Variants in DNAH6 observed in about 807,000 individuals in gnomAD.
DNAH6 encodes the protein axonemal beta dynein heavy chain 6.
A neutral mutation model predicts 491.4 loss-of-function variants in DNAH6; 340 were observed. The ratio of observed to expected loss-of-function variants is 0.69; its 90% CI spans 0.63 to 0.76. DNAH6 has a LOEUF of 0.76. Ranked by LOEUF, DNAH6 falls within the 30% of genes least tolerant of loss-of-function variation. DNAH6 has a pLI of 0.00. For missense variants in DNAH6, 4,443 were observed against 4,972.2 expected (o/e 0.89, Z 3.20); for synonymous variants, 1,603 against 1,686.1 (o/e 0.95, Z 1.21).
intron 18 of DNAH6, among the ~76,000 whole-genome samples, chr2:84,602,391 A>G (rs1685331786): frequency 6.6e-6 from 1 of 150,992 alleles, no homozygotes; most frequent in Non-Finnish European, 1.5e-5. Context: ...TTCCTTCAGT[A>G]ATTTGGAGGT....
chr2:84,650,895 A>T (rs1365926066), intron 33 of DNAH6, among the ~76,000 whole-genome samples: 1 of 152,180 alleles, frequency 6.6e-6, no homozygotes, highest in African/African-American at 2.4e-5. Context: ...TCTAGATCTT[A>T]TTTAAACTTA....
the DNAH6 span, among the ~76,000 whole-genome samples, chr2:84,503,688 T>G: frequency 6.6e-6 from 1 of 152,040 alleles, no homozygotes; most frequent in Non-Finnish European, 1.5e-5. Flanking sequence ...GTAAAAGTTT[T>G]TTTTTTTTTT....
At chr2:84,480,478 G>C in the DNAH6 span, among the ~76,000 whole-genome samples, 1 of 152,138 alleles carries the variant, frequency 6.6e-6, no homozygotes, top group Non-Finnish European at 1.5e-5. Context: ...TGTAAACAGG[G>C]ATAATAATAG....
At chr2:84,538,347 T>C (rs960962248) in intron 4 of DNAH6, among the ~76,000 whole-genome samples, 27 of 152,170 alleles carry the variant, frequency 1.8e-4, no homozygotes, top group Non-Finnish European at 1.8e-4. Flanking sequence ...CTATTTGATA[T>C]TGTTTTGTGA....
At chr2:84,780,711 T>C (rs11690152) in intron 64 of DNAH6, among the ~76,000 whole-genome samples, 1 of 152,224 alleles carries the variant, frequency 6.6e-6, no homozygotes, top group Non-Finnish European at 1.5e-5. Flanking sequence ...CAGAATTCTT[T>C]TGCTGATTCC....
chr2:84,758,389 T>C (rs899376521), intron 63 of DNAH6, among the ~76,000 whole-genome samples: 6 of 152,144 alleles, frequency 3.9e-5, no homozygotes, highest in Non-Finnish European at 8.8e-5. Context: ...GTTCCAAAAA[T>C]AGAGAAGGAG....
chr2:84,813,911 A>C, intron 74 of DNAH6, 60 bp from the exon 75 acceptor site: 7 of 1,524,900 alleles, frequency 4.6e-6, no homozygotes, highest in Non-Finnish European at 6.2e-6. Flanking sequence ...ATGAAGGGGA[A>C]TAGTGCCTGG....
At chr2:84,578,329 C>T (rs1199484311) in intron 13 of DNAH6, among the ~76,000 whole-genome samples, 2 of 152,192 alleles carry the variant, frequency 1.3e-5, no homozygotes, top group East Asian at 3.9e-4. Flanking sequence ...TCAATTTCAA[C>T]AAGCACTTTT....
chr2:84,795,746 C>T (rs1655106649), intron 68 of DNAH6, among the ~76,000 whole-genome samples: 1 of 152,190 alleles, frequency 6.6e-6, no homozygotes, highest in Non-Finnish European at 1.5e-5. Context: ...TGGAAAGTAG[C>T]TTCTCTGTGG....
intron 11 of DNAH6, among the ~76,000 whole-genome samples, chr2:84,560,877 G>C (rs1298825012): frequency 6.6e-6 from 1 of 151,730 alleles, no homozygotes; most frequent in Non-Finnish European, 1.5e-5. Flanking sequence ...CATTTGGGTT[G>C]GTTCCAAGTC....
Position 84,777,863 on chromosome 2 carries a change from G to A in DNAH6, c.10704-3630G>A, listed in dbSNP as rs181132978. ...TGAAACAATAAGCAAATTGCAGTTC[G>A]TGCTGTATTTTACAACATTAGGAAT... On this transcript the variant is annotated intron_variant, in intron 64 of 76. Coordinates refer to ENST00000389394, the MANE Select transcript of DNAH6 (RefSeq NM_001370.2). 6.8e-5 allele frequency: 85 copies of A among 1,242,470 alleles called. No homozygotes were observed. In the African/African-American group the frequency reaches 1.0e-3, roughly 15 times the overall value. The allele number at this position is 1,242,470 out of a possible 1,614,324, so 77.0% of individuals were successfully genotyped here. A position where few individuals can be genotyped will look rare whatever the true frequency, so the allele number is the denominator to read the frequency against.
At chr2:84,515,239 C>A (rs978415849), upstream of DNAH6, among the ~76,000 whole-genome samples, 3 of 152,142 alleles carry the variant, frequency 2.0e-5, no homozygotes, top group African/African-American at 7.2e-5. Context: ...ATTTTGTCTA[C>A]ATTTGAAGTT....
chr2:84,799,646 C>T (rs1399187106), intron 70 of DNAH6, among the ~76,000 whole-genome samples: 1 of 152,258 alleles, frequency 6.6e-6, no homozygotes, highest in Non-Finnish European at 1.5e-5. Context: ...TTGGCAAGCA[C>T]AGGGGATAGG....
chr2:84,702,862 G>A (rs929454968), intron 49 of DNAH6, among the ~76,000 whole-genome samples: 6 of 152,024 alleles, frequency 3.9e-5, no homozygotes, highest in Non-Finnish European at 7.4e-5. Context: ...ACTCACCTTC[G>A]AAAAACAGTT....
chr2:84,520,697 A>G (rs1287767138), intron 2 of DNAH6, among the ~76,000 whole-genome samples: 1 of 151,986 alleles, frequency 6.6e-6, no homozygotes, highest in Non-Finnish European at 1.5e-5. Flanking sequence ...GTTGCCAAGG[A>G]TGATGACCTC....
At position 84,619,775 on chromosome 2, in the gene DNAH6, C is replaced by T. The variant is rs777841054; in HGVS notation, c.3663C>T (p.Phe1221=). The change falls in exon 24 of 77, where the codon TTC becomes TTT. Residue 1221 remains phenylalanine (F), a synonymous_variant. Coordinates refer to ENST00000389394, the MANE Select transcript of DNAH6 (RefSeq NM_001370.2). ...TGCAGCCACACTTAAGGAAATGCTT[C>T]GACTCCATTTCAAAGCTCGAATTTG... ...QAVQPHLRKC[F]DSISKLEFAL... is the part of the protein sequence containing the mutation. The T allele has an allele frequency of 2.8e-5, 44 of 1,551,424 alleles. No individual in the cohort carries two copies. The highest frequency in any genetic ancestry group is 7.1e-5 in the South Asian group (6 of 84,062).
intron 76 of DNAH6, 126 bp from the exon 77 acceptor site, chr2:84,819,161 GACCCATAAAGGACTATTT>G: frequency 1.8e-6 from 1 of 557,496 alleles, no homozygotes; most frequent in Non-Finnish European, 3.2e-6. Context: ...GCATAAAACA[GACCCATAAAGGACTATTT>G]GTCCAGCATC....
In DNAH6 at chr2:84,637,212, C is replaced by T. The variant is rs1402065006; in HGVS notation, c.4656C>T (p.Leu1552=). ...ITIRNAKAAK[L]SRFMFEGREI... is the part of the protein sequence containing the mutation. ...ACTTATATTTTATCTTCGAACAGCTCTCTAGATTCATGTTTGAGGGGCGGG... is the reference window on the plus strand; with the variant it reads ...ACTTATATTTTATCTTCGAACAGCTTTCTAGATTCATGTTTGAGGGGCGGG... The change falls in exon 31 of 77, where the codon CTC becomes CTT. Residue 1552 remains leucine (L), a splice_region_variant and synonymous_variant. Transcript: ENST00000389394. 5 of 1,542,580 alleles carry T rather than the reference C, an allele frequency of 3.2e-6. No homozygotes were observed. Among genetic ancestry groups the T allele is most frequent in the South Asian group, 1.2e-5 (1 of 82,312 alleles).
At chr2:84,774,219 C>T (rs1390908913) in intron 64 of DNAH6, among the ~76,000 whole-genome samples, 2 of 152,028 alleles carry the variant, frequency 1.3e-5, no homozygotes, top group Non-Finnish European at 2.9e-5. Flanking sequence ...AATCTTTAAT[C>T]CATCTGGAGT....
Sources: gnomAD v4.1 joint callset for allele counts (sites outside exome capture counted in the v4.1 genomes callset) on GRCh38, gnomAD v4.1.1 for gene constraint, MANE v1.5 for transcripts, NCBI Gene and HGNC (gene_info 2026-07-23, HGNC 2026-07-21) for gene names.